The following MDGA2 variants were observed in gnomAD, a reference collection of about 807,000 sequenced individuals.
The protein encoded by MDGA2 is MAM domain-containing glycosylphosphatidylinositol anchor protein 2.
MDGA2 carries 40 observed loss-of-function variants against 117.8 expected under a neutral mutation model. That is an observed-to-expected ratio of 0.34 (90% CI 0.26 to 0.44). The LOEUF is 0.44. Among genes scored for constraint, MDGA2 ranks in the 20% least tolerant of loss-of-function variants. The pLI, the probability that MDGA2 is intolerant of heterozygous loss-of-function variation, is 1.00. For synonymous variants in MDGA2, 452 were observed against 439.0 expected (o/e 1.03, Z -0.37); for missense variants, 1,123 against 1,250.6 (o/e 0.90, Z 1.54).
chr14:46,967,994 A>T (rs1886104074), intron 8 of MDGA2, among the ~76,000 whole-genome samples: 1 of 152,034 alleles, frequency 6.6e-6, no homozygotes, highest in African/African-American at 2.4e-5. Flanking sequence ...CCCACCAATG[A>T]CTTCAATAAT....
intron 1 of MDGA2, among the ~76,000 whole-genome samples, chr14:47,436,066 T>C (rs144115520): frequency 9.2e-5 from 14 of 152,198 alleles, no homozygotes; most frequent in Non-Finnish European, 1.6e-4. Context: ...TCCTGCATTC[T>C]GTGCACCCAA....
At chr14:47,580,394 C>T (rs571276600) in intron 1 of MDGA2, among the ~76,000 whole-genome samples, 19 of 152,012 alleles carry the variant, frequency 1.2e-4, no homozygotes, top group Non-Finnish European at 2.6e-4. Context: ...ATGATCTAAT[C>T]TCCTCCTAAT....
intron 1 of MDGA2, among the ~76,000 whole-genome samples, chr14:47,350,575 G>A (rs766755850): frequency 3.6e-5 from 5 of 139,526 alleles, no homozygotes; most frequent in East Asian, 1.9e-4. Context: ...GTGTGCACGC[G>A]TGTGTGTGTG....
At chr14:46,849,140 CTT>C (rs1448212197) in intron 15 of MDGA2, among the ~76,000 whole-genome samples, 4 of 151,854 alleles carry the variant, frequency 2.6e-5, no homozygotes, top group Non-Finnish European at 5.9e-5. Context: ...CAATAAAACT[CTT>C]AGTACAGTCA....
At chr14:46,947,596 C>T (rs933356838) in intron 9 of MDGA2, among the ~76,000 whole-genome samples, 5 of 152,004 alleles carry the variant, frequency 3.3e-5, no homozygotes, top group African/African-American at 7.2e-5. Context: ...CTCATGAGAT[C>T]GGATGGTTTT....
intron 1 of MDGA2, among the ~76,000 whole-genome samples, chr14:47,559,212 G>A (rs1186718959): frequency 6.6e-6 from 1 of 152,172 alleles, no homozygotes; most frequent in Admixed American, 6.5e-5. Context: ...GTACACGGCA[G>A]ACAGTTTTTC....
chr14:46,968,425 T>A (rs1250592696), intron 8 of MDGA2, among the ~76,000 whole-genome samples: 2 of 152,004 alleles, frequency 1.3e-5, no homozygotes, highest in Non-Finnish European at 2.9e-5. Context: ...GCAGAGCAAT[T>A]AGGCAAGAAA....
At chr14:47,073,421 A>G (rs1032445231) in intron 6 of MDGA2, among the ~76,000 whole-genome samples, 1 of 152,222 alleles carries the variant, frequency 6.6e-6, no homozygotes, top group Non-Finnish European at 1.5e-5. Flanking sequence ...GGTAGTAATT[A>G]TGAAGCATAC....
intron 1 of MDGA2, among the ~76,000 whole-genome samples, chr14:47,654,352 G>T (rs1226576478): frequency 6.6e-6 from 1 of 152,086 alleles, no homozygotes; most frequent in Admixed American, 6.6e-5. Context: ...AGAGACTAGT[G>T]TTTCCTGCTT....
chr14:47,072,016 A>G (rs1412489215), intron 6 of MDGA2, among the ~76,000 whole-genome samples: 1 of 139,790 alleles, frequency 7.2e-6, no homozygotes, highest in Non-Finnish European at 1.5e-5. Flanking sequence ...ATTCAAAGAC[A>G]TTGTCTGGGT....
intron 1 of MDGA2, among the ~76,000 whole-genome samples, chr14:47,346,936 G>A (rs1298282657): frequency 6.6e-6 from 1 of 152,122 alleles, no homozygotes; most frequent in East Asian, 1.9e-4. Flanking sequence ...GTCTTTTTAA[G>A]AAAGGCTGAA....
At chr14:46,846,578 A>C (rs988306770) in intron 15 of MDGA2, among the ~76,000 whole-genome samples, 1 of 152,136 alleles carries the variant, frequency 6.6e-6, no homozygotes, top group South Asian at 2.1e-4. Context: ...AAATGAGTAC[A>C]ATCAGAATCC....
intron 1 of MDGA2, among the ~76,000 whole-genome samples, chr14:47,569,608 T>C (rs1406256403): frequency 1.3e-5 from 2 of 152,182 alleles, no homozygotes; most frequent in East Asian, 3.9e-4. Context: ...CCTGATGCTA[T>C]GGTTCAGTCA....
chr14:47,629,457 A>G (rs1897213899), intron 1 of MDGA2, among the ~76,000 whole-genome samples: 2 of 152,224 alleles, frequency 1.3e-5, no homozygotes, highest in Admixed American at 6.5e-5. Context: ...AGTGGAGGGC[A>G]GGCATGCCCT....
At chr14:47,249,677 G>A (rs1334041911) in intron 2 of MDGA2, among the ~76,000 whole-genome samples, 1 of 152,010 alleles carries the variant, frequency 6.6e-6, no homozygotes, top group Admixed American at 6.6e-5. Flanking sequence ...AGAGTTTATT[G>A]TTAAGACAAG....
chr14:47,114,951 C>T (rs953990742), intron 5 of MDGA2, among the ~76,000 whole-genome samples: 3 of 109,760 alleles, frequency 2.7e-5, no homozygotes, highest in African/African-American at 1.3e-4. Flanking sequence ...AGCTTCTGCA[C>T]AGCCAAAAAA....
chr14:47,611,674 A>G (rs900242420), intron 1 of MDGA2, among the ~76,000 whole-genome samples: 2 of 152,194 alleles, frequency 1.3e-5, no homozygotes, highest in African/African-American at 4.8e-5. Flanking sequence ...TACTCCTGCC[A>G]AAATGGCCAT....
intron 3 of MDGA2, among the ~76,000 whole-genome samples, chr14:47,169,042 A>T (rs1884011749): frequency 6.6e-6 from 1 of 152,046 alleles, no homozygotes; most frequent in Non-Finnish European, 1.5e-5. Context: ...AAATTTAATT[A>T]ATTTATTTAT....
chr14:47,482,032 T>C lies in MDGA2; in HGVS notation c.281-180482A>G, dbSNP rs75368204. The stretch of plus-strand genomic sequence containing the variant: ...CTTATTTGACATTTTAGTAAGATAT[T>C]GTAAATAATCAGCAGTCTGAAGTTT... On this transcript the variant is annotated intron_variant, in intron 1 of 16. Coordinates refer to ENST00000399232, the MANE Select transcript of MDGA2 (RefSeq NM_001113498.3). Among the ~76,000 whole-genome samples the C allele has an allele frequency of 3.9e-3, 591 of 152,138 alleles. 2 individuals are homozygous for C. The highest frequency in any genetic ancestry group is 0.013 in the African/African-American group (547 of 41,548).
Sources: gnomAD v4.1 joint callset for allele counts (sites outside exome capture counted in the v4.1 genomes callset) on GRCh38, gnomAD v4.1.1 for gene constraint, MANE v1.5 for transcripts, NCBI Gene and HGNC (gene_info 2026-07-23, HGNC 2026-07-21) for gene names.